Variants in SVIL observed in about 807,000 individuals in gnomAD.
SVIL encodes the protein supervillin.
SVIL carries 101 observed loss-of-function variants against 240.4 expected under a neutral mutation model. The ratio of observed to expected loss-of-function variants is 0.42; its 90% CI spans 0.36 to 0.50. The LOEUF (loss-of-function observed/expected upper bound fraction) is 0.50. Ranked by LOEUF, SVIL falls within the 20% of genes least tolerant of loss-of-function variation. SVIL has a pLI of 0.01. For missense variants in SVIL, 2,512 were observed against 2,818.7 expected (o/e 0.89, Z 2.46); for synonymous variants, 999 against 1,100.0 (o/e 0.91, Z 1.82).
chr10:29,631,420 G>GATC (rs1038743733), intron 1 of SVIL, among the ~76,000 whole-genome samples: 3 of 100,762 alleles, frequency 3.0e-5, no homozygotes, highest in Non-Finnish European at 5.4e-5. Context: ...GAGGTGGGCA[G>GATC]ATCATGAGGT....
chr10:29,536,163 T>G, intron 6 of SVIL, 94 bp from the exon 7 acceptor site: 1 of 1,167,028 alleles, frequency 8.6e-7, no homozygotes, highest in Non-Finnish European at 1.3e-6. Context: ...AGGCTGATTT[T>G]TATTAAGAAT....
At chr10:29,474,627 AAATAAATAAATAAATAAAGT>A (rs1945981958) in intron 29 of SVIL, among the ~76,000 whole-genome samples, 1 of 151,226 alleles carries the variant, frequency 6.6e-6, no homozygotes, top group Non-Finnish European at 1.5e-5. Flanking sequence ...ATAAATAAAT[AAATAAATAAATAAATAAAGT>A]ATTTGGTGAC....
chr10:29,598,241 G>A (rs931630894), intron 1 of SVIL, among the ~76,000 whole-genome samples: 3 of 152,166 alleles, frequency 2.0e-5, no homozygotes, highest in Admixed American at 6.5e-5. Flanking sequence ...AGTTTAATAC[G>A]TATAGAGTTT....
chr10:29,506,063 G>A (rs1169900194), intron 17 of SVIL, among the ~76,000 whole-genome samples: 1 of 151,956 alleles, frequency 6.6e-6, no homozygotes, highest in Non-Finnish European at 1.5e-5. Context: ...CTGCTGTATT[G>A]GTTTTTAATT....
intron 2 of SVIL, among the ~76,000 whole-genome samples, chr10:29,659,328 G>A (rs928633816): frequency 6.6e-6 from 1 of 152,116 alleles, no homozygotes; most frequent in African/African-American, 2.4e-5. Flanking sequence ...TTTGTCTTAG[G>A]CTATTGAGTT....
At chr10:29,506,036 T>C (rs915481813) in intron 17 of SVIL, among the ~76,000 whole-genome samples, 6 of 152,166 alleles carry the variant, frequency 3.9e-5, no homozygotes, top group Non-Finnish European at 7.3e-5. Flanking sequence ...CAAGGTAATG[T>C]TATGTAAATA....
intron 1 of SVIL, among the ~76,000 whole-genome samples, chr10:29,719,719 C>A (rs1258275410): frequency 1.3e-5 from 2 of 152,028 alleles, no homozygotes; most frequent in Non-Finnish European, 2.9e-5. Flanking sequence ...GTAGACATTT[C>A]AGAAGAAAAG....
At chr10:29,631,587 C>T (rs1202336144) in intron 1 of SVIL, among the ~76,000 whole-genome samples, 1 of 151,224 alleles carries the variant, frequency 6.6e-6, no homozygotes, top group Non-Finnish European at 1.5e-5. Flanking sequence ...CCAGCCTGAC[C>T]AACATGGTGA....
chr10:29,506,261 G>A (rs1045265395), intron 17 of SVIL, among the ~76,000 whole-genome samples: 2 of 152,038 alleles, frequency 1.3e-5, no homozygotes, highest in African/African-American at 2.4e-5. Context: ...CATTTCCCCC[G>A]TTCGTGATGG....
At chr10:29,654,700 G>A (rs1030807564) in intron 3 of SVIL, among the ~76,000 whole-genome samples, 6 of 152,136 alleles carry the variant, frequency 3.9e-5, no homozygotes, top group African/African-American at 1.2e-4. Context: ...TCCTCAAGTT[G>A]GACAACCAGG....
chr10:29,492,536 T>G (rs7083499), intron 21 of SVIL, among the ~76,000 whole-genome samples: 58,246 of 151,904 alleles, frequency 0.38, 12,823 homozygotes, highest in African/African-American at 0.59. Flanking sequence ...GGCAAACCCC[T>G]CCGCACTGTT....
chr10:29,553,830 G>A (rs766113290), intron 5 of SVIL, among the ~76,000 whole-genome samples: 3 of 152,194 alleles, frequency 2.0e-5, no homozygotes, highest in Non-Finnish European at 4.4e-5. Flanking sequence ...TAGATAGAAA[G>A]TTTTCTTGCA....
Position 29,550,998 on chromosome 10 carries a change from C to T in SVIL, c.426G>A (p.Glu142=), listed in dbSNP as rs756840046. ...CTCCCCGCTTCTCGACAGCATCAGG[C>T]TCCTTCCTGGACTTGGTATAGCGGG... is the stretch of plus-strand genomic sequence containing the variant. ...YLSRYTKSRK[E]PDAVEKRGGK... The change falls in exon 6 of 38, where the codon GAG becomes GAA. Residue 142 remains glutamate, a synonymous_variant. Coordinates refer to ENST00000355867, the MANE Select transcript of SVIL (RefSeq NM_021738.3). 4.3e-6 allele frequency: 7 copies of T among 1,614,062 alleles called. No individual in the cohort carries two copies. In the African/African-American group the frequency reaches 6.7e-5, roughly 15 times the overall value.
intron 29 of SVIL, 97 bp from the exon 30 acceptor site, chr10:29,474,086 T>A: frequency 6.7e-7 from 1 of 1,494,474 alleles, no homozygotes; most frequent in African/African-American, 1.4e-5. Context: ...CAAGGACCAG[T>A]GGCAAAGAGC....
Position 29,522,618 on chromosome 10 carries a change from G to C in SVIL, c.3181C>G (p.Pro1061Ala), listed in dbSNP as rs758977561. ...GCTGTCCCCGTCTGCTCGGAAGTGGGCTCCCCGAACTCTGCCGCTGGGAAG... is the reference window on the plus strand; with the variant it reads ...GCTGTCCCCGTCTGCTCGGAAGTGGCCTCCCCGAACTCTGCCGCTGGGAAG... ...FSLRAAEFGE[P>A]TSEQTGTAAG... Residue 1061 changes from proline (P) to alanine (A), a missense_variant, in exon 16 of 38, where the codon CCC becomes GCC. Coordinates refer to ENST00000355867, the MANE Select transcript of SVIL (RefSeq NM_021738.3). 2.5e-6 allele frequency: 4 copies of C among 1,614,074 alleles called. No individual in the cohort carries two copies. The South Asian group carries it at 3.3e-5, about 13-fold the overall frequency.
At chr10:29,611,621 C>T (rs1957246195) in intron 1 of SVIL, among the ~76,000 whole-genome samples, 1 of 152,098 alleles carries the variant, frequency 6.6e-6, no homozygotes, top group Non-Finnish European at 1.5e-5. Context: ...GTAAAGAAGT[C>T]TGAATTTAAG....
chr10:29,554,930 C>T lies in SVIL; in HGVS notation c.13G>A (p.Glu5Lys), dbSNP rs765302498. The change falls in exon 5 of 38, where the codon GAA (glutamate) becomes AAA (lysine). Residue 5 changes from glutamate to lysine, a missense_variant. Physicochemically the swap from Glu to Lys is moderately conservative, Grantham distance 56 (BLOSUM62 1). Around this residue, in one of 3 missense-constraint regions of SVIL, gnomAD observed 1,443 missense variants for 1,486.6 expected, o/e 0.97. Coordinates refer to ENST00000355867, the MANE Select transcript of SVIL (RefSeq NM_021738.3). ...CCTTCCAGGCGCCTGGCAATTCTTT[C>T]TTTTCTGTGAAATACACCACAAGAG... MKRK[E>K]RIARRLEGIE... is the part of the protein sequence containing the mutation. 6 of 1,610,762 alleles carry T rather than the reference C, an allele frequency of 3.7e-6. No homozygotes were observed. Among genetic ancestry groups the T allele is most frequent in the South Asian group, 1.1e-5 (1 of 90,564 alleles).
At chr10:29,709,762 C>T (rs980390550) in intron 1 of SVIL, among the ~76,000 whole-genome samples, 2 of 152,184 alleles carry the variant, frequency 1.3e-5, no homozygotes, top group East Asian at 3.9e-4. Flanking sequence ...GTAGAGCAAA[C>T]CTGTGAGCAG....
At chr10:29,475,318 G>T (rs1946076767) in intron 29 of SVIL, 1 of 152,196 alleles carries the variant, frequency 6.6e-6, no homozygotes, top group South Asian at 2.1e-4. Flanking sequence ...GGCCAAATGG[G>T]CATTTTAGAT....
Sources: allele counts gnomAD v4.1 joint callset (sites outside exome capture counted in the v4.1 genomes callset), GRCh38; gene constraint gnomAD v4.1.1; regional missense constraint gnomAD v4.1.1; transcripts MANE v1.5; gene names NCBI Gene and HGNC (gene_info 2026-07-23, HGNC 2026-07-21).